Variants in JAK2 observed in about 807,000 individuals in gnomAD.
The protein encoded by JAK2 is Janus kinase 2.
JAK2 carries 86 observed loss-of-function variants against 139.3 expected under a neutral mutation model. The ratio of observed to expected loss-of-function variants is 0.62; its 90% confidence interval spans 0.52 to 0.74. JAK2 has a LOEUF of 0.74. JAK2 is among the 30% of genes least tolerant of loss of function. The probability of loss-of-function intolerance (pLI) is 0.00; values close to 1 mark genes in which losing one functional copy is unlikely to be tolerated. For missense variants in JAK2, 1,421 were observed against 1,360.3 expected (o/e 1.04, Z -0.70); for synonymous variants, 490 against 437.7 (o/e 1.12, Z -1.49).
rs1824047965 is a variant in JAK2, at chr9:5,127,092, T to A, written c.*301T>A. The A allele has an allele frequency of 3.7e-6, 1 of 269,232 alleles. No individual in the cohort carries two copies. Among genetic ancestry groups the A allele is most frequent in the Non-Finnish European group, 7.1e-6 (1 of 140,918 alleles). 16.7% of individuals were successfully genotyped at this position (269,232 alleles called of 1,614,324 possible). On this transcript the variant is annotated 3_prime_UTR_variant, in exon 25 of 25. Transcript: ENST00000381652. ...AAAAAATAGACTTTTTCAACTCAGC[T>A]TTTTGAGACCTGAAAAAATTATTAT... is the stretch of plus-strand genomic sequence containing the variant.
intron 2 of JAK2, among the ~76,000 whole-genome samples, chr9:5,008,536 AG>A (rs1191329829): frequency 6.6e-6 from 1 of 152,196 alleles, no homozygotes; most frequent in Non-Finnish European, 1.5e-5. Flanking sequence ...AGCAGCACTA[AG>A]GGCCCATTTG....
chr9:4,999,947 G>T (rs1052069450), intron 2 of JAK2, among the ~76,000 whole-genome samples: 1 of 151,946 alleles, frequency 6.6e-6, no homozygotes, highest in Admixed American at 6.6e-5. Context: ...GCCAACACTG[G>T]GTATTGGCAT....
chr9:5,029,548 A>G (rs1823003424), intron 3 of JAK2, among the ~76,000 whole-genome samples: 3 of 152,202 alleles, frequency 2.0e-5, no homozygotes, highest in Admixed American at 2.0e-4. Flanking sequence ...AAAACCCCAC[A>G]ATATCTGCAA....
chr9:5,066,858 T>A (rs1818609754), intron 10 of JAK2, 69 bp downstream of exon 10: 1 of 637,250 alleles, frequency 1.6e-6, no homozygotes, highest in Non-Finnish European at 2.5e-6. Flanking sequence ...CATATTTATT[T>A]ACCATATTTC....
rs531374595 is a variant in JAK2 at position 5,113,191 on chromosome 9, CTTTTTTTTTTTTTTTT to C, written c.3060-9800_3060-9785del. 7.0e-5 allele frequency among the ~76,000 whole-genome samples: 4 copies of C among 57,160 alleles called. 1 individual carries two copies. Among genetic ancestry groups the C allele is most frequent in the South Asian group, 8.2e-4 (1 of 1,214 alleles). The allele number at this position is 57,160 out of a possible 152,430, so 37.5% of individuals were successfully genotyped here. A position where few individuals can be genotyped will look rare whatever the true frequency, so the allele number is the denominator to read the frequency against. ...GCCCTGTTGTCTGGGCTGGCAGGAG[CTTTTTTTTTTTTTTTT>C]TTTTTTTTTTTTCCAGTAAACAAAA... On this transcript the variant is annotated intron_variant, in intron 22 of 24. Coordinates refer to ENST00000381652, the MANE Select transcript of JAK2 (RefSeq NM_004972.4).
intron 4 of JAK2, among the ~76,000 whole-genome samples, chr9:5,035,635 T>C (rs1379615083): frequency 1.3e-5 from 2 of 152,124 alleles, no homozygotes; most frequent in Non-Finnish European, 2.9e-5. Flanking sequence ...GCAAAAACCA[T>C]ATGATTATCT....
intron 22 of JAK2, chr9:5,112,184 C>A (rs568548001): frequency 6.1e-5 from 16 of 262,526 alleles, no homozygotes; most frequent in Non-Finnish European, 1.2e-4. Flanking sequence ...CGGGCGCTGG[C>A]CTTGGGCTTC....
chr9:5,045,171 T>C (rs1022729139), intron 5 of JAK2, among the ~76,000 whole-genome samples: 2 of 152,150 alleles, frequency 1.3e-5, no homozygotes, highest in Non-Finnish European at 1.5e-5. Context: ...CTAGTAGGAA[T>C]AGAAATTAAA....
chr9:5,075,243 C>T (rs773766134), intron 14 of JAK2, among the ~76,000 whole-genome samples: 6 of 152,154 alleles, frequency 3.9e-5, no homozygotes, highest in Non-Finnish European at 8.8e-5. Context: ...GCAAGTTATC[C>T]AGAAGATCTA....
chr9:5,096,456 A>G (rs1820994953), intron 22 of JAK2, among the ~76,000 whole-genome samples: 2 of 152,218 alleles, frequency 1.3e-5, no homozygotes, highest in Admixed American at 1.3e-4. Context: ...TAACAGCTAA[A>G]TACCCTAATC....
At chr9:5,027,336 G>C (rs538429714) in intron 3 of JAK2, among the ~76,000 whole-genome samples, 2 of 152,170 alleles carry the variant, frequency 1.3e-5, no homozygotes, top group African/African-American at 4.8e-5. Context: ...TCTGTAGTCT[G>C]TTAAGTATGC....
At chr9:5,031,883 G>A (rs566265487) in intron 4 of JAK2, among the ~76,000 whole-genome samples, 3 of 152,332 alleles carry the variant, frequency 2.0e-5, no homozygotes, top group Middle Eastern at 3.4e-3. Flanking sequence ...TACCGGGTTC[G>A]TCTCACTGGG....
intron 2 of JAK2, among the ~76,000 whole-genome samples, chr9:4,988,443 A>G (rs1369469316): frequency 6.6e-6 from 1 of 152,240 alleles, no homozygotes; most frequent in Non-Finnish European, 1.5e-5. Flanking sequence ...ACAGTGCTCT[A>G]CACTAAGTTG....
At chr9:5,040,554 G>C (rs1244763902) in intron 4 of JAK2, among the ~76,000 whole-genome samples, 1 of 152,216 alleles carries the variant, frequency 6.6e-6, no homozygotes, top group Non-Finnish European at 1.5e-5. Flanking sequence ...GCAAATGTTT[G>C]GGAATCATAT....
chr9:5,025,385 G>GT (rs1414140494), intron 3 of JAK2, among the ~76,000 whole-genome samples: 1 of 152,050 alleles, frequency 6.6e-6, no homozygotes, highest in African/African-American at 2.4e-5. Flanking sequence ...TTCATGTTTG[G>GT]TTGAACTCAA....
Position 5,051,153 on chromosome 9 carries a change from A to C in JAK2, c.614+322A>C, listed in dbSNP as rs532329669. 1.2e-4 allele frequency among the ~76,000 whole-genome samples: 19 copies of C among 152,366 alleles called. No individual in the cohort carries two copies. The South Asian group carries it at 3.7e-3, about 30-fold the overall frequency. ...TATTTGCAAGAGGGATAGTCAACCT[A>C]TAATAAAAAATCATATGGGTAAGTT... On this transcript the variant is annotated intron_variant, in intron 6 of 24. Transcript: ENST00000381652.
At chr9:5,030,385 T>C (rs758434571) in intron 4 of JAK2, among the ~76,000 whole-genome samples, 7 of 152,162 alleles carry the variant, frequency 4.6e-5, no homozygotes, top group Non-Finnish European at 8.8e-5. Context: ...AATGCCTATT[T>C]AGAGAAATCT....
In JAK2 at chr9:5,018,274, G is replaced by A. The variant is rs1822198252; in HGVS notation, c.-25-3689G>A. On this transcript the variant is annotated intron_variant, in intron 2 of 24. Transcript: ENST00000381652. ...CTGTGTGTGTTTGCTTTACCAGTGG[G>A]TTTGATACTTTCGTCATCTGTTTTT... Among the ~76,000 whole-genome samples the A allele has an allele frequency of 2.0e-5, 3 of 152,070 alleles. No individual in the cohort carries two copies. The South Asian group carries it at 6.2e-4, about 32-fold the overall frequency.
At chr9:5,041,410 G>C in intron 4 of JAK2, 1 of 630,102 alleles carries the variant, frequency 1.6e-6, no homozygotes. Context: ...ACCTGGAGGT[G>C]CTGGGCCACA....
Sources: gnomAD v4.1 joint callset for allele counts (sites outside exome capture counted in the v4.1 genomes callset) on GRCh38, gnomAD v4.1.1 for gene constraint, MANE v1.5 for transcripts, NCBI Gene and HGNC (gene_info 2026-07-23, HGNC 2026-07-21) for gene names.